GALNT2: variants seen among roughly 807,000 people sequenced by gnomAD.
GALNT2 encodes polypeptide N-acetylgalactosaminyltransferase 2.
Under a neutral mutation model 81.4 loss-of-function variants are expected in GALNT2, and 31 were observed. The ratio of observed to expected loss-of-function variants is 0.38; its 90% CI spans 0.29 to 0.51. The LOEUF is 0.51. GALNT2 is among the 20% of genes least tolerant of loss of function. The probability of loss-of-function intolerance (pLI) is 0.87; values close to 1 mark genes in which losing one functional copy is unlikely to be tolerated. For missense variants in GALNT2, 629 were observed against 765.7 expected (o/e 0.82, Z 2.11); for synonymous variants, 303 against 287.4 (o/e 1.05, Z -0.55).
intron 1 of GALNT2, among the ~76,000 whole-genome samples, chr1:230,129,084 C>A (rs1261377567): frequency 6.6e-6 from 1 of 152,212 alleles, no homozygotes; most frequent in Non-Finnish European, 1.5e-5. Context: ...CGGTGTATTT[C>A]GGGCTCTCTC....
At chr1:230,148,174 G>A (rs560131445) in intron 1 of GALNT2, among the ~76,000 whole-genome samples, 2 of 152,338 alleles carry the variant, frequency 1.3e-5, no homozygotes, top group South Asian at 4.1e-4. Context: ...GCGTGGCTGA[G>A]AGCCACGAGG....
chr1:230,274,342 C>A, intron 14 of GALNT2, 103 bp from the exon 15 acceptor site: 1 of 1,459,014 alleles, frequency 6.9e-7, no homozygotes. Context: ...AATCTAAGCT[C>A]CACCCCGTGA....
At chr1:230,113,801 C>T (rs940289834) in intron 1 of GALNT2, among the ~76,000 whole-genome samples, 1 of 152,082 alleles carries the variant, frequency 6.6e-6, no homozygotes, top group African/African-American at 2.4e-5. Flanking sequence ...AAGGTCTTTT[C>T]GGGGAAGGGG....
chr1:230,096,218 C>T (rs1221352078), intron 1 of GALNT2, among the ~76,000 whole-genome samples: 1 of 152,206 alleles, frequency 6.6e-6, no homozygotes, highest in East Asian at 1.9e-4. Context: ...GAGGTTGAGC[C>T]ATGGTGGACA....
chr1:230,169,923 T>C (rs528366148), intron 1 of GALNT2, among the ~76,000 whole-genome samples: 26 of 152,344 alleles, frequency 1.7e-4, no homozygotes, highest in Non-Finnish European at 3.5e-4. Context: ...AAAGTGAAAC[T>C]GGAAATGCAT....
intron 1 of GALNT2, among the ~76,000 whole-genome samples, chr1:230,170,973 A>T (rs1016675455): frequency 6.6e-6 from 1 of 152,196 alleles, no homozygotes; most frequent in Non-Finnish European, 1.5e-5. Context: ...TCACCTAGTT[A>T]ACTCTGGTGT....
intron 1 of GALNT2, among the ~76,000 whole-genome samples, chr1:230,149,580 T>G (rs1662030993): frequency 6.6e-6 from 1 of 152,096 alleles, no homozygotes; most frequent in Admixed American, 6.5e-5. Context: ...TTGAGGGACC[T>G]TAGATTTTGA....
At chr1:230,176,093 A>G (rs1041885950) in intron 1 of GALNT2, among the ~76,000 whole-genome samples, 1 of 151,980 alleles carries the variant, frequency 6.6e-6, no homozygotes, top group African/African-American at 2.4e-5. Context: ...GTCATGCCCT[A>G]ATTATATGGG....
At chr1:230,191,715 G>A (rs73114012) in intron 2 of GALNT2, among the ~76,000 whole-genome samples, 16,257 of 152,266 alleles carry the variant, frequency 0.11, 970 homozygotes, top group South Asian at 0.16. Flanking sequence ...ATCTCGCTAT[G>A]TTCCCCAGGC....
chr1:230,270,188 G>A (rs1666131727), intron 14 of GALNT2, among the ~76,000 whole-genome samples: 1 of 152,190 alleles, frequency 6.6e-6, no homozygotes, highest in Non-Finnish European at 1.5e-5. Flanking sequence ...GTGACAGTGT[G>A]AGATTCTGTC....
At chr1:230,075,568 T>C (rs1015172073) in intron 1 of GALNT2, among the ~76,000 whole-genome samples, 1 of 152,254 alleles carries the variant, frequency 6.6e-6, no homozygotes, top group East Asian at 1.9e-4. Context: ...ATTTATTCTT[T>C]CAGTGAGTAT....
intron 2 of GALNT2, among the ~76,000 whole-genome samples, chr1:230,200,288 G>A (rs552362251): frequency 1.3e-5 from 2 of 151,916 alleles, no homozygotes; most frequent in African/African-American, 4.8e-5. Context: ...GGTCTCGAAC[G>A]CCTGGCCTCG....
At position 230,271,209 on chromosome 1, in the gene GALNT2, T is replaced by C. The variant is rs772636242; in HGVS notation, c.1441-3236T>C. 3.9e-5 allele frequency among the ~76,000 whole-genome samples: 6 copies of C among 152,328 alleles called. No individual in the cohort carries two copies. Among genetic ancestry groups the C allele is most frequent in the Middle Eastern group, 3.4e-3 (1 of 294 alleles). Reference sequence around the variant, plus strand: ...CCCTGTGAGTGCAGGGACGGAACAATGTGCTTCTTCCTGGCCCTCTCCATC... The same window carrying C: ...CCCTGTGAGTGCAGGGACGGAACAACGTGCTTCTTCCTGGCCCTCTCCATC... On this transcript the variant is annotated intron_variant, in intron 14 of 15. Transcript: ENST00000366672. This position sits in a 1 kb window ranked among gnomAD's most constrained non-coding sequence, Gnocchi z 4.2.
chr1:230,237,593 TG>T (rs1369798411), intron 6 of GALNT2, among the ~76,000 whole-genome samples: 1 of 152,124 alleles, frequency 6.6e-6, no homozygotes, highest in Non-Finnish European at 1.5e-5. Flanking sequence ...GCCAACACAG[TG>T]ATTGAGCCTG....
chr1:230,205,837 G>T (rs990682049), intron 3 of GALNT2, among the ~76,000 whole-genome samples: 3 of 152,100 alleles, frequency 2.0e-5, no homozygotes, highest in Admixed American at 6.5e-5. Flanking sequence ...CCCCACCCAC[G>T]TAATCCACAC....
intron 3 of GALNT2, among the ~76,000 whole-genome samples, chr1:230,209,992 C>T (rs1416234466): frequency 6.6e-6 from 1 of 152,194 alleles, no homozygotes; most frequent in Non-Finnish European, 1.5e-5. Flanking sequence ...TTCTCTTAAG[C>T]TCTTCTGAAG....
rs115066239 is a variant in GALNT2 at position 230,215,659 on chromosome 1, G to T, written c.374+12369G>T. 4.9e-3 allele frequency among the ~76,000 whole-genome samples: 750 copies of T among 152,274 alleles called. 6 individuals carry two copies. Among genetic ancestry groups the T allele is most frequent in the African/African-American group, 0.017 (706 of 41,542 alleles). ...TAAATGGAAATACAGGCTTGAAGTT[G>T]GGATGTGTTGCTTTTATTAATAGCT... is the stretch of plus-strand genomic sequence containing the variant. On this transcript the variant is annotated intron_variant, in intron 3 of 15. Transcript: ENST00000366672.
At chr1:230,204,434 G>C (rs1316786872) in intron 3 of GALNT2, among the ~76,000 whole-genome samples, 1 of 152,204 alleles carries the variant, frequency 6.6e-6, no homozygotes, top group African/African-American at 2.4e-5. Context: ...CTCCCAAAGT[G>C]CTGGGATTAC....
intron 1 of GALNT2, among the ~76,000 whole-genome samples, chr1:230,165,990 G>T (rs928204454): frequency 6.6e-6 from 1 of 152,206 alleles, no homozygotes; most frequent in Non-Finnish European, 1.5e-5. Context: ...TTTGGATCAG[G>T]TTGACATGGA....
Sources: gnomAD v4.1 joint callset for allele counts (sites outside exome capture counted in the v4.1 genomes callset) on GRCh38, gnomAD v4.1.1 for gene constraint, Gnocchi (gnomAD v3.1) non-coding constraint, MANE v1.5 for transcripts, NCBI Gene and HGNC (gene_info 2026-07-23, HGNC 2026-07-21) for gene names.